The following FGF14 variants were observed in gnomAD, a reference collection of about 807,000 sequenced individuals.
FGF14 encodes the protein fibroblast growth factor 14.
Under a neutral mutation model 25.5 loss-of-function variants are expected in FGF14, and 5 were observed. The ratio of observed to expected loss-of-function variants is 0.20; its 90% CI spans 0.10 to 0.41. The LOEUF is 0.41. FGF14 is among the 10% of genes least tolerant of loss of function. FGF14 has a pLI of 1.00. For synonymous variants in FGF14, 138 were observed against 118.3 expected (o/e 1.17, Z -1.08); for missense variants, 222 against 320.1 (o/e 0.69, Z 2.34).
intron 3 of FGF14, among the ~76,000 whole-genome samples, chr13:101,811,359 T>C (rs2041501636): frequency 6.6e-6 from 1 of 152,206 alleles, no homozygotes; most frequent in Non-Finnish European, 1.5e-5. Context: ...AGTGAAATCA[T>C]ACAGTATGTA....
chr13:102,371,141 C>T lies in FGF14; in HGVS notation c.208+30330G>A, dbSNP rs547682624. Among the ~76,000 whole-genome samples the T allele has an allele frequency of 3.9e-5, 6 of 152,204 alleles. No homozygotes were observed. The East Asian group carries it at 9.6e-4, about 24-fold the overall frequency. On this transcript the variant is annotated intron_variant, in intron 1 of 4. Transcript: ENST00000376131. ...CCTGAAACAAACAATTAGGTCTTAC[C>T]GACTTAAGGCCTCAGTCTTATTTAA...
intron 3 of FGF14, among the ~76,000 whole-genome samples, chr13:101,850,616 AT>A (rs1394049623): frequency 1.4e-5 from 2 of 139,508 alleles, no homozygotes; most frequent in Non-Finnish European, 3.1e-5. Flanking sequence ...TATAGCATAT[AT>A]ATTCTATATA....
chr13:101,728,045 A>G (rs186061157), intron 3 of FGF14, among the ~76,000 whole-genome samples: 1 of 152,290 alleles, frequency 6.6e-6, no homozygotes, highest in East Asian at 1.9e-4. Flanking sequence ...TAAGGGCTTG[A>G]CTTTATGCTA....
intron 1 of FGF14, among the ~76,000 whole-genome samples, chr13:101,890,122 T>G (rs1357666749): frequency 6.6e-6 from 1 of 152,122 alleles, no homozygotes; most frequent in Non-Finnish European, 1.5e-5. Flanking sequence ...AAGACATAGC[T>G]CCTTTAGACT....
chr13:102,072,892 G>A (rs559009415), intron 1 of FGF14, among the ~76,000 whole-genome samples: 303 of 152,314 alleles, frequency 2.0e-3, no homozygotes, highest in Non-Finnish European at 2.7e-3. Flanking sequence ...AATGGCAATA[G>A]AAAGTGGTGA....
At chr13:101,756,491 T>C (rs1009201734) in intron 3 of FGF14, among the ~76,000 whole-genome samples, 2 of 152,110 alleles carry the variant, frequency 1.3e-5, no homozygotes, top group African/African-American at 4.8e-5. Flanking sequence ...TCCCAGCACT[T>C]TGGGAGGCTG....
intron 1 of FGF14, among the ~76,000 whole-genome samples, chr13:102,214,637 C>A (rs2050295007): frequency 1.3e-5 from 2 of 152,186 alleles, no homozygotes; most frequent in African/African-American, 2.4e-5. Context: ...CTGGAATGAT[C>A]TCCTCTCACT....
At chr13:101,892,140 A>C (rs2029869740) in intron 1 of FGF14, among the ~76,000 whole-genome samples, 1 of 152,172 alleles carries the variant, frequency 6.6e-6, no homozygotes, top group African/African-American at 2.4e-5. Flanking sequence ...GGAATTGAAC[A>C]CAACACAATC....
intron 1 of FGF14, among the ~76,000 whole-genome samples, chr13:102,145,208 T>A (rs1265505050): frequency 6.6e-6 from 1 of 152,212 alleles, no homozygotes; most frequent in East Asian, 1.9e-4. Flanking sequence ...TGATTTCTAA[T>A]TAAGTTATGA....
chr13:101,741,647 A>G (rs1216069705), intron 3 of FGF14, among the ~76,000 whole-genome samples: 1 of 152,220 alleles, frequency 6.6e-6, no homozygotes, highest in East Asian at 1.9e-4. Flanking sequence ...AAAAAAAAAA[A>G]AAAGAATTCC....
intron 1 of FGF14, among the ~76,000 whole-genome samples, chr13:102,144,525 AGT>A (rs1478555337): frequency 6.6e-6 from 1 of 151,758 alleles, no homozygotes; most frequent in African/African-American, 2.4e-5. Context: ...ATTTAATATA[AGT>A]GTGTTATATA....
Position 102,400,451 on chromosome 13 carries a change from G to A in FGF14, c.208+1020C>T, listed in dbSNP as rs2058676714. On this transcript the variant is annotated intron_variant, in intron 1 of 4. Coordinates refer to the FGF14 transcript ENST00000376131. The surrounding 1 kb of genome is among the most constrained non-coding windows in gnomAD (Gnocchi z 4.3). ...TGCCAGCGTGAGCGGTTCCGGGAAA[G>A]GCTGCGCCCAGCCTCCTCGCCAGCG... Among the ~76,000 whole-genome samples the A allele has an allele frequency of 6.6e-6, 1 of 152,204 alleles. No individual in the cohort carries two copies. Among genetic ancestry groups the A allele is most frequent in the Non-Finnish European group, 1.5e-5 (1 of 68,040 alleles).
intron 1 of FGF14, among the ~76,000 whole-genome samples, chr13:101,900,996 CTTGCT>C (rs1343961791): frequency 1.3e-5 from 2 of 151,994 alleles, no homozygotes; most frequent in Non-Finnish European, 2.9e-5. Context: ...CAACTTTAGT[CTTGCT>C]TGAGAAATAC....
chr13:102,092,666 GAAAT>G (rs1214599449), intron 1 of FGF14, among the ~76,000 whole-genome samples: 1 of 152,088 alleles, frequency 6.6e-6, no homozygotes, highest in African/African-American at 2.4e-5. Context: ...TAACATGAAA[GAAAT>G]AAAACTAGTA....
At chr13:102,204,954 A>T (rs1381379553) in intron 1 of FGF14, among the ~76,000 whole-genome samples, 1 of 152,228 alleles carries the variant, frequency 6.6e-6, no homozygotes, top group African/African-American at 2.4e-5. Context: ...TTCTACAAAA[A>T]GAGATAAAAT....
At chr13:101,833,985 C>G (rs1187024264) in intron 3 of FGF14, among the ~76,000 whole-genome samples, 1 of 152,054 alleles carries the variant, frequency 6.6e-6, no homozygotes, top group Admixed American at 6.6e-5. Flanking sequence ...TAATTCATAT[C>G]TAGTGCTATT....
chr13:101,779,850 T>G (rs1005024662), intron 3 of FGF14, among the ~76,000 whole-genome samples: 1 of 152,216 alleles, frequency 6.6e-6, no homozygotes, highest in Non-Finnish European at 1.5e-5. Flanking sequence ...AATAATGTCA[T>G]GTAGAATCTC....
intron 3 of FGF14, among the ~76,000 whole-genome samples, chr13:101,812,626 TATATATATATATATATATATA>T (rs1566930975): frequency 7.1e-4 from 7 of 9,862 alleles, no homozygotes; most frequent in East Asian, 6.4e-3. Context: ...TATATATATA[TATATATATATATATATATATA>T]TATATATTTT....
intron 1 of FGF14, among the ~76,000 whole-genome samples, chr13:102,088,585 T>C (rs1274282242): frequency 6.6e-6 from 1 of 152,160 alleles, no homozygotes; most frequent in Non-Finnish European, 1.5e-5. Context: ...TGCAATATTT[T>C]CTAACTGAGA....
Sources: gnomAD v4.1 joint callset for allele counts (sites outside exome capture counted in the v4.1 genomes callset) on GRCh38, gnomAD v4.1.1 for gene constraint, Gnocchi (gnomAD v3.1) non-coding constraint, MANE v1.5 for transcripts, NCBI Gene and HGNC (gene_info 2026-07-23, HGNC 2026-07-21) for gene names.